The following ASIC2 variants were observed in gnomAD, a reference collection of about 807,000 sequenced individuals.
ASIC2 encodes the protein acid sensing ion channel subunit 2.
A neutral mutation model predicts 57.3 loss-of-function variants in ASIC2; 25 were observed. The ratio of observed to expected loss-of-function variants is 0.44; its 90% CI spans 0.32 to 0.61. The LOEUF is 0.61. Ranked by LOEUF, ASIC2 falls within the 20% of genes least tolerant of loss-of-function variation. The pLI, the probability that ASIC2 is intolerant of heterozygous loss-of-function variation, is 0.06. For synonymous variants in ASIC2, 319 were observed against 307.5 expected (o/e 1.04, Z -0.39); for missense variants, 641 against 738.1 (o/e 0.87, Z 1.52).
chr17:33,513,686 G>A (rs748857719), intron 1 of ASIC2, among the ~76,000 whole-genome samples: 5 of 152,172 alleles, frequency 3.3e-5, no homozygotes, highest in African/African-American at 4.8e-5. Flanking sequence ...ACCCCATGAC[G>A]TCCTCAGTTT....
At chr17:33,433,205 G>A (rs565985381) in intron 1 of ASIC2, among the ~76,000 whole-genome samples, 1 of 152,268 alleles carries the variant, frequency 6.6e-6, no homozygotes, top group East Asian at 1.9e-4. Context: ...ATATACCATG[G>A]AATATTATGT....
At chr17:34,131,172 A>T (rs959156707) in intron 1 of ASIC2, among the ~76,000 whole-genome samples, 1 of 152,182 alleles carries the variant, frequency 6.6e-6, no homozygotes, top group Non-Finnish European at 1.5e-5. Flanking sequence ...ACCATGAAGA[A>T]TTGGAAACTG....
At chr17:33,811,087 T>A (rs983519043) in intron 1 of ASIC2, among the ~76,000 whole-genome samples, 3 of 152,180 alleles carry the variant, frequency 2.0e-5, no homozygotes, top group Non-Finnish European at 2.9e-5. Context: ...AGGACACTAT[T>A]TTTCAGGCTG....
intron 1 of ASIC2, among the ~76,000 whole-genome samples, chr17:33,998,586 C>T (rs528147871): frequency 2.5e-4 from 38 of 152,186 alleles, no homozygotes; most frequent in African/African-American, 8.7e-4. Flanking sequence ...TCATTTTTCT[C>T]AAGATATGTT....
chr17:34,024,442 C>T (rs1907297162), intron 1 of ASIC2, among the ~76,000 whole-genome samples: 2 of 152,206 alleles, frequency 1.3e-5, no homozygotes, highest in Admixed American at 6.5e-5. Context: ...ATGCACTGGG[C>T]GGTGGCCCCA....
chr17:33,921,449 A>G (rs1309441585), intron 1 of ASIC2, among the ~76,000 whole-genome samples: 1 of 152,196 alleles, frequency 6.6e-6, no homozygotes, highest in African/African-American at 2.4e-5. Context: ...GGATGGGATC[A>G]TGCATGAGGA....
chr17:33,439,290 T>C (rs1911742288), intron 1 of ASIC2, among the ~76,000 whole-genome samples: 1 of 152,146 alleles, frequency 6.6e-6, no homozygotes, highest in African/African-American at 2.4e-5. Flanking sequence ...AAGAAGATAG[T>C]CTTAAACTGT....
Position 33,227,237 on chromosome 17 carries a change from G to A in ASIC2, c.708+64171C>T, listed in dbSNP as rs115872751. Among the ~76,000 whole-genome samples, 1,388 of 152,260 alleles carry A rather than the reference G, an allele frequency of 9.1e-3. 27 individuals are homozygous for A. Among genetic ancestry groups the A allele is most frequent in the African/African-American group, 0.031 (1,289 of 41,554 alleles). On this transcript the variant is annotated intron_variant, in intron 1 of 9. Transcript: ENST00000225823. ...CCACCCTAGTTGGAGGGGCACTGGAGGATGTCTGATGAAATGGGAATAAAG... is the reference window on the plus strand; with the variant it reads ...CCACCCTAGTTGGAGGGGCACTGGAAGATGTCTGATGAAATGGGAATAAAG...
chr17:33,021,740 C>T (rs1567718848), intron 6 of ASIC2, among the ~76,000 whole-genome samples: 1 of 152,244 alleles, frequency 6.6e-6, no homozygotes, highest in Non-Finnish European at 1.5e-5. Flanking sequence ...CCTAAATTCC[C>T]ACTGGTATTT....
chr17:33,675,630 G>A (rs1441978050), intron 1 of ASIC2, among the ~76,000 whole-genome samples: 2 of 152,140 alleles, frequency 1.3e-5, no homozygotes, highest in Middle Eastern at 3.2e-3. Flanking sequence ...GGAGTGCAGT[G>A]GTGCAATCAA....
intron 1 of ASIC2, among the ~76,000 whole-genome samples, chr17:33,646,228 G>A (rs1906734413): frequency 1.3e-5 from 2 of 152,198 alleles, no homozygotes; most frequent in African/African-American, 4.8e-5. Flanking sequence ...ATGGTGCAGA[G>A]CTCTCTGAAG....
intron 1 of ASIC2, among the ~76,000 whole-genome samples, chr17:33,247,910 A>T (rs142002080): frequency 4.6e-5 from 7 of 152,346 alleles, no homozygotes; most frequent in African/African-American, 1.7e-4. Flanking sequence ...TAGACTCTGA[A>T]GTATATGTGT....
chr17:33,313,309 C>A (rs1906510475), intron 1 of ASIC2, among the ~76,000 whole-genome samples: 1 of 148,832 alleles, frequency 6.7e-6, no homozygotes, highest in East Asian at 2.0e-4. Flanking sequence ...CCCTGGGAAA[C>A]AGAGCGAAAC....
chr17:34,058,810 T>A (rs1353884836), intron 1 of ASIC2, among the ~76,000 whole-genome samples: 1 of 152,188 alleles, frequency 6.6e-6, no homozygotes, highest in Non-Finnish European at 1.5e-5. Flanking sequence ...TCACTGAGCA[T>A]TTTCCATGTG....
chr17:33,648,105 G>A (rs1276753322), intron 1 of ASIC2, among the ~76,000 whole-genome samples: 2 of 152,212 alleles, frequency 1.3e-5, no homozygotes, highest in Admixed American at 1.3e-4. Context: ...ACTGTGAGCT[G>A]AAGATGAGGT....
intron 3 of ASIC2, among the ~76,000 whole-genome samples, chr17:33,075,870 A>G (rs1748372695): frequency 6.6e-6 from 1 of 152,234 alleles, no homozygotes; most frequent in Non-Finnish European, 1.5e-5. Flanking sequence ...AACTGAGAGC[A>G]GGACATCCCA....
chr17:33,670,226 C>T (rs1907601593), intron 1 of ASIC2, among the ~76,000 whole-genome samples: 1 of 152,132 alleles, frequency 6.6e-6, no homozygotes, highest in African/African-American at 2.4e-5. Context: ...GCATAGGAGG[C>T]CTCCCAGGAA....
At chr17:33,363,978 A>C (rs1376667709) in intron 1 of ASIC2, among the ~76,000 whole-genome samples, 1 of 152,176 alleles carries the variant, frequency 6.6e-6, no homozygotes. Flanking sequence ...TCCTCACTGC[A>C]TAATGGACAC....
At chr17:33,786,191 G>T (rs1036668191) in intron 1 of ASIC2, among the ~76,000 whole-genome samples, 1 of 152,158 alleles carries the variant, frequency 6.6e-6, no homozygotes, top group African/African-American at 2.4e-5. Flanking sequence ...CTAACTGGCA[G>T]GTTCAAGGGC....
Sources: allele counts gnomAD v4.1 joint callset (sites outside exome capture counted in the v4.1 genomes callset), GRCh38; gene constraint gnomAD v4.1.1; transcripts MANE v1.5; gene names NCBI Gene and HGNC (gene_info 2026-07-23, HGNC 2026-07-21).